AARS1: variants seen among roughly 807,000 people sequenced by gnomAD.
AARS1 encodes the protein alanine--tRNA ligase, cytoplasmic.
Under a neutral mutation model 108.9 loss-of-function variants are expected in AARS1, and 72 were observed. That is an observed-to-expected ratio of 0.66 (90% CI 0.55 to 0.80). The LOEUF (loss-of-function observed/expected upper bound fraction) is 0.80. Among genes scored for constraint, AARS1 ranks in the 30% least tolerant of loss-of-function variants. The pLI is 0.00. For missense variants in AARS1, 1,193 were observed against 1,233.2 expected, an observed-to-expected ratio of 0.97 and a Z score of 0.49; for synonymous variants, 489 against 465.7, an observed-to-expected ratio of 1.05 and a Z score of -0.64.
intron 12 of AARS1, 138 bp downstream of exon 12, chr16:70,262,208 G>T (rs1247267341): frequency 1.9e-5 from 20 of 1,069,996 alleles, no homozygotes; most frequent in Non-Finnish European, 2.7e-5. Flanking sequence ...CAGCTCCCTC[G>T]GCTTCAGAAA....
At position 70,276,599 on chromosome 16, in the gene AARS1, G is replaced by A. The variant is rs769023747; in HGVS notation, c.366C>T (p.Leu122=). 15 of 1,614,010 alleles carry A rather than the reference G, an allele frequency of 9.3e-6. No individual in the cohort carries two copies. Among genetic ancestry groups the A allele is most frequent in the African/African-American group, 4.0e-5 (3 of 74,934 alleles). The change falls in exon 4 of 21, where the codon CTC becomes CTT. Residue 122 remains leucine, a synonymous_variant. Transcript: ENST00000261772. ...ELACKMALEL[L]TQEFGIPIER... ...CAATGGGAATGCCAAACTCTTGGGT[G>A]AGGAGTTCCAGAGCCATCTTACATG...
intron 2 of AARS1, among the ~76,000 whole-genome samples, chr16:70,279,688 G>T (rs201482983): frequency 3.6e-5 from 4 of 110,186 alleles, no homozygotes; most frequent in African/African-American, 1.0e-4. Context: ...AAAAAAAAAA[G>T]AAAAGTTTAC....
At chr16:70,271,084 A>T (rs919554158) in intron 5 of AARS1, among the ~76,000 whole-genome samples, 1 of 152,050 alleles carries the variant, frequency 6.6e-6, no homozygotes, top group African/African-American at 2.4e-5. Context: ...CTGAGGCAGG[A>T]GAATCGCTTG....
intron 4 of AARS1, among the ~76,000 whole-genome samples, chr16:70,275,884 C>A (rs924624065): frequency 7.7e-6 from 1 of 129,204 alleles, no homozygotes; most frequent in Non-Finnish European, 1.5e-5. Flanking sequence ...TTGCAGTGAA[C>A]TGAGATCACG....
In AARS1 at chr16:70,259,203, G is replaced by T. The variant is rs1397106645; in HGVS notation, c.1786-17C>A. On this transcript the variant is annotated splice_polypyrimidine_tract_variant and intron_variant, in intron 13 of 20. Transcript: ENST00000261772. ...TCGTCGGGGCTGGAAAGGGCAGAGG[G>T]GCTCATGGAGAGGTCTGTAATAGAC... is the stretch of plus-strand genomic sequence containing the variant. The T allele has an allele frequency of 6.2e-7, 1 of 1,610,832 alleles. No homozygotes were observed.
rs190540115 is a variant in AARS1, at chr16:70,276,434, C to T, written c.479+52G>A. On this transcript the variant is annotated intron_variant, in intron 4 of 20. Coordinates refer to ENST00000261772, the MANE Select transcript of AARS1 (RefSeq NM_001605.3). ...CAGGTCATAAAACCCCACTCTGGCACTGAGTGTCATTTCACTCCTCCATAC... is the reference window on the plus strand; with the variant it reads ...CAGGTCATAAAACCCCACTCTGGCATTGAGTGTCATTTCACTCCTCCATAC... 812 of 1,604,528 alleles carry T rather than the reference C, an allele frequency of 5.1e-4. 16 individuals carry two copies. The East Asian group carries it at 7.4e-3, about 15-fold the overall frequency.
At chr16:70,285,494 G>A (rs1322720219) in intron 1 of AARS1, among the ~76,000 whole-genome samples, 4 of 151,870 alleles carry the variant, frequency 2.6e-5, no homozygotes. Flanking sequence ...TGTCGCCCAG[G>A]CTGGAGCGCT....
At chr16:70,253,666 C>A (rs780533684) in intron 19 of AARS1, 48 bp downstream of exon 19, 2 of 1,594,028 alleles carry the variant, frequency 1.3e-6, no homozygotes, top group Non-Finnish European at 8.6e-7. Flanking sequence ...TGTCAGCCAC[C>A]AGAGAGCTGA....
At chr16:70,275,120 TGTG>T (rs1960505597) in intron 4 of AARS1, among the ~76,000 whole-genome samples, 2 of 150,134 alleles carry the variant, frequency 1.3e-5, no homozygotes, top group African/African-American at 4.9e-5. Flanking sequence ...ATTAGCCAGG[TGTG>T]GTGGCGCGCA....
rs768487325 is a variant in AARS1 at position 70,267,787 on chromosome 16, T to C, written c.1094A>G (p.Lys365Arg). The change falls in exon 9 of 21, where the codon AAG becomes AGG. Residue 365 changes from lysine (K) to arginine (R), a missense_variant. By Grantham distance (26) the Lys-to-Arg change is conservative. Transcript: ENST00000261772. ...QSLGDAFPEL[K>R]KDPDMVKDII... ...GTCCTTCACCATGTCTGGGTCCTTC[T>C]TCAGCTCAGGAAATGCATCTCCCTG... is the stretch of plus-strand genomic sequence containing the variant. 1.9e-6 allele frequency: 3 copies of C among 1,614,176 alleles called. No homozygotes were observed. The highest frequency in any genetic ancestry group is 1.7e-6 in the Non-Finnish European group (2 of 1,180,032).
intron 10 of AARS1, 147 bp from the exon 11 acceptor site, chr16:70,265,249 TTC>T (rs1960235146): frequency 1.8e-6 from 2 of 1,126,594 alleles, no homozygotes; most frequent in East Asian, 2.5e-5. Context: ...GGCCAGATCA[TTC>T]TCTGTTGTGG....
At chr16:70,274,175 G>GAA (rs771914676) in intron 4 of AARS1, among the ~76,000 whole-genome samples, 6 of 101,778 alleles carry the variant, frequency 5.9e-5, no homozygotes, top group Non-Finnish European at 4.2e-5. Context: ...TCTCTACTAA[G>GAA]AAAAAAAAAA....
chr16:70,266,832 ATTTCTTTTTCTT>A (rs900571657), intron 9 of AARS1, among the ~76,000 whole-genome samples: 1 of 147,130 alleles, frequency 6.8e-6, no homozygotes, highest in Non-Finnish European at 1.5e-5. Flanking sequence ...TTACACATCT[ATTTCTTTTTCTT>A]TTTCTTTTTG....
intron 3 of AARS1, 29 bp downstream of exon 3, chr16:70,276,937 C>T: frequency 6.2e-7 from 1 of 1,613,312 alleles, no homozygotes; most frequent in Non-Finnish European, 8.5e-7. Context: ...TTCCTCAAAA[C>T]CCTAGTGGTT....
Position 70,282,768 on chromosome 16 carries a change from A to C in AARS1, c.-5T>G. 1 of 1,614,116 alleles carries C rather than the reference A, an allele frequency of 6.2e-7. No homozygotes were observed. The stretch of plus-strand genomic sequence containing the variant: ...TGCTGTTAGAGTAGAGTCCATCTTG[A>C]AAGTCACCCCAAAGAACTAATCAAA... On this transcript the variant is annotated 5_prime_UTR_variant, in exon 2 of 21. Coordinates refer to ENST00000261772, the MANE Select transcript of AARS1 (RefSeq NM_001605.3).
At chr16:70,264,098 C>G (rs893253055) in intron 11 of AARS1, among the ~76,000 whole-genome samples, 2 of 151,300 alleles carry the variant, frequency 1.3e-5, no homozygotes, top group African/African-American at 4.8e-5. Context: ...ACACAAAAAT[C>G]AGCCGGGTGT....
At position 70,255,194 on chromosome 16, in the gene AARS1, ATTTTT is replaced by A. The variant is rs946837808; in HGVS notation, c.2287-465_2287-461del. Among the ~76,000 whole-genome samples the A allele has an allele frequency of 4.2e-3, 436 of 104,266 alleles. 2 individuals carry two copies. Among genetic ancestry groups the A allele is most frequent in the African/African-American group, 0.014 (388 of 27,040 alleles). The allele number at this position is 104,266 out of a possible 152,430, so 68.4% of individuals were successfully genotyped here. On this transcript the variant is annotated intron_variant, in intron 16 of 20. Transcript: ENST00000261772. Reference sequence around the variant, plus strand: ...GGAGGGGGTAGATGGCCAGATTCACATTTTTTTTTTTTTTTTTTTTTTGGAGACGG... The same window carrying A: ...GGAGGGGGTAGATGGCCAGATTCACATTTTTTTTTTTTTTTTTGGAGACGG...
In AARS1 at chr16:70,288,196, G is replaced by A. The variant is rs945987379; in HGVS notation, c.-22+1225C>T. Among the ~76,000 whole-genome samples, 9 of 143,802 alleles carry A rather than the reference G, an allele frequency of 6.3e-5. No individual in the cohort carries two copies. In the South Asian group the frequency reaches 7.0e-4, roughly 11 times the overall value. 94.3% of individuals were successfully genotyped at this position (143,802 alleles called of 152,430 possible). A position where few individuals can be genotyped will look rare whatever the true frequency, so the allele number is the denominator to read the frequency against. On this transcript the variant is annotated intron_variant, in intron 1 of 20. Transcript: ENST00000261772. ...CAGCTCACTGCAAGCTCCGCCTCCC[G>A]GGTTCACGCCATTCTCCTGCCTCAG...
At chr16:70,268,565 A>G (rs1320528116) in intron 7 of AARS1, among the ~76,000 whole-genome samples, 186 bp from the exon 8 acceptor site, 1 of 152,166 alleles carries the variant, frequency 6.6e-6, no homozygotes, top group East Asian at 1.9e-4. Context: ...AATACCCGTC[A>G]AGGCTTCCCT....
Sources: allele counts gnomAD v4.1 joint callset (sites outside exome capture counted in the v4.1 genomes callset), GRCh38; gene constraint gnomAD v4.1.1; transcripts MANE v1.5; gene names NCBI Gene and HGNC (gene_info 2026-07-23, HGNC 2026-07-21).